The following FRMPD4 variants were observed in gnomAD, a reference collection of about 807,000 sequenced individuals.
FRMPD4 encodes FERM and PDZ domain containing 4.
In FRMPD4, 22 loss-of-function variants were observed where a neutral mutation model predicts 94.1. The ratio of observed to expected loss-of-function variants is 0.23; its 90% CI spans 0.17 to 0.33. FRMPD4 has a LOEUF of 0.33. Ranked by LOEUF, FRMPD4 falls within the 10% of genes least tolerant of loss-of-function variation. The probability of loss-of-function intolerance (pLI) is 1.00; values close to 1 mark genes in which losing one functional copy is unlikely to be tolerated. For synonymous variants in FRMPD4, 631 were observed against 548.6 expected, an observed-to-expected ratio of 1.15 and a Z score of -2.10; for missense variants, 1,111 against 1,339.9, an observed-to-expected ratio of 0.83 and a Z score of 2.67.
intron 8 of FRMPD4, among the ~76,000 whole-genome samples, chrX:12,693,989 G>T (rs1029598943): frequency 8.1e-5 from 9 of 111,439 alleles, no homozygotes; most frequent in Non-Finnish European, 1.5e-4. Flanking sequence ...TCTCCTGCAG[G>T]ATCAGGCTAT....
At chrX:12,007,852 A>G (rs1249384726) in intron 3 of FRMPD4, among the ~76,000 whole-genome samples, 1 of 112,183 alleles carries the variant, frequency 8.9e-6, no homozygotes, top group Non-Finnish European at 1.9e-5. Flanking sequence ...AATCTTTGAT[A>G]TTGTTACATT....
At chrX:12,379,683 G>GTA (rs1555958645) in intron 1 of FRMPD4, among the ~76,000 whole-genome samples, 2 of 104,212 alleles carry the variant, frequency 1.9e-5, no homozygotes. Flanking sequence ...GTGTGTGTGT[G>GTA]TATCTTTCAG....
At chrX:12,103,574 G>A (rs2055272265) in intron 3 of FRMPD4, among the ~76,000 whole-genome samples, 1 of 111,795 alleles carries the variant, frequency 8.9e-6, no homozygotes. Context: ...AAGGGGTGTG[G>A]CTGTATTCCA....
At chrX:12,133,660 C>T (rs954844132), upstream of FRMPD4, among the ~76,000 whole-genome samples, 2 of 111,768 alleles carry the variant, frequency 1.8e-5, no homozygotes, top group Non-Finnish European at 3.8e-5. Flanking sequence ...CCACCTCCTA[C>T]ATCTAACCCA....
intron 2 of FRMPD4, among the ~76,000 whole-genome samples, chrX:12,510,287 A>G (rs2058029688): frequency 1.8e-5 from 2 of 112,550 alleles, no homozygotes; most frequent in Admixed American, 1.9e-4. Flanking sequence ...TAAAACCTAA[A>G]GAAATCTGAA....
chrX:12,170,224 T>TTTCTTCAA lies in FRMPD4; in HGVS notation c.41+31213_41+31220dup, dbSNP rs1285396133. On this transcript the variant is annotated intron_variant, in intron 1 of 16. Coordinates refer to ENST00000675598, the MANE Select transcript of FRMPD4 (RefSeq NM_001368397.1). ...TCAGTGACAACAAGGTCTCCTATTC[T>TTTCTTCAA]TTCTTCAAATGGTCTTGAAATAGTT... Among the ~76,000 whole-genome samples the TTTCTTCAA allele has an allele frequency of 2.7e-5, 3 of 109,429 alleles. No individual in the cohort carries two copies. In the East Asian group the frequency reaches 8.6e-4, roughly 31 times the overall value.
chrX:12,592,335 T>C (rs2058990432), intron 2 of FRMPD4, among the ~76,000 whole-genome samples: 1 of 111,977 alleles, frequency 8.9e-6, no homozygotes, highest in African/African-American at 3.2e-5. Flanking sequence ...TAATATAAAA[T>C]GTTGATTAAA....
chrX:12,070,085 A>G (rs1251014009), intron 3 of FRMPD4, among the ~76,000 whole-genome samples: 1 of 111,320 alleles, frequency 9.0e-6, no homozygotes, highest in East Asian at 2.8e-4. Context: ...CTGTGATATT[A>G]CAGAGTATTG....
At chrX:12,476,574 A>C (rs2057601832) in intron 1 of FRMPD4, among the ~76,000 whole-genome samples, 1 of 111,423 alleles carries the variant, frequency 9.0e-6, no homozygotes, top group Non-Finnish European at 1.9e-5. Context: ...ATCTGACAAA[A>C]GGCTAATATC....
At chrX:12,226,641 G>C (rs2056925847) in intron 1 of FRMPD4, among the ~76,000 whole-genome samples, 1 of 111,332 alleles carries the variant, frequency 9.0e-6, no homozygotes, top group African/African-American at 3.3e-5. Flanking sequence ...CAAAACAGTA[G>C]CCAGAGTATC....
chrX:12,224,044 A>G, intron 1 of FRMPD4, among the ~76,000 whole-genome samples: 2 of 109,003 alleles, frequency 1.8e-5, no homozygotes, highest in South Asian at 8.1e-4. Context: ...CCTGGCCTCT[A>G]TCTAGTAGAT....
At chrX:12,063,661 C>T in intron 3 of FRMPD4, among the ~76,000 whole-genome samples, 1 of 112,223 alleles carries the variant, frequency 8.9e-6, no homozygotes, top group South Asian at 3.7e-4. Flanking sequence ...GCTAAGGTGG[C>T]AGGATCACTT....
chrX:12,704,294 C>G, intron 10 of FRMPD4, 65 bp from the exon 11 acceptor site: 1 of 870,840 alleles, frequency 1.1e-6, no homozygotes, highest in Admixed American at 3.2e-5. Flanking sequence ...CATCAGAGCA[C>G]CATTTTGTCT....
At chrX:12,332,102 T>TTATATTATATATAATTTATATTTTA (rs1249435175) in intron 1 of FRMPD4, among the ~76,000 whole-genome samples, 9 of 70,136 alleles carry the variant, frequency 1.3e-4, no homozygotes, top group Admixed American at 4.2e-4. Flanking sequence ...TATATATAAT[T>TTATATTATATATAATTTATATTTTA]TATATTATAT....
intron 1 of FRMPD4, among the ~76,000 whole-genome samples, chrX:12,450,883 AG>A (rs1351980335): frequency 1.2e-4 from 12 of 102,758 alleles, no homozygotes; most frequent in East Asian, 3.0e-4. Context: ...AAAAAAAAAA[AG>A]AGAGAGAGAA....
chrX:12,116,381 A>G (rs1238001131), intron 3 of FRMPD4, among the ~76,000 whole-genome samples: 1 of 112,046 alleles, frequency 8.9e-6, no homozygotes, highest in Non-Finnish European at 1.9e-5. Flanking sequence ...AACTCTCCCC[A>G]TGCTCCTGAG....
chrX:11,955,742 A>G, intron 3 of FRMPD4, among the ~76,000 whole-genome samples: 1 of 104,041 alleles, frequency 9.6e-6, no homozygotes, highest in East Asian at 3.4e-4. Flanking sequence ...ACTCCGTCTC[A>G]AAAAGAAAAA....
chrX:12,366,121 TCAG>T (rs2056072296), intron 1 of FRMPD4, among the ~76,000 whole-genome samples: 1 of 112,147 alleles, frequency 8.9e-6, no homozygotes, highest in Non-Finnish European at 1.9e-5. Flanking sequence ...TCAGGGAACA[TCAG>T]CAGAAGTAAG....
chrX:12,271,203 T>C (rs749572073), intron 1 of FRMPD4, among the ~76,000 whole-genome samples: 7 of 112,368 alleles, frequency 6.2e-5, no homozygotes, highest in Admixed American at 1.9e-4. Flanking sequence ...ATTCCTTTTA[T>C]GTAAACTTTT....
Sources: gnomAD v4.1 joint callset for allele counts (sites outside exome capture counted in the v4.1 genomes callset) on GRCh38, gnomAD v4.1.1 for gene constraint, MANE v1.5 for transcripts, NCBI Gene and HGNC (gene_info 2026-07-23, HGNC 2026-07-21) for gene names.